The following LRP2 variants were observed in gnomAD, a reference collection of about 807,000 sequenced individuals.
LRP2 encodes LDL receptor related protein 2, also known as low-density lipoprotein receptor-related protein 2.
Under a neutral mutation model 531.0 loss-of-function variants are expected in LRP2, and 172 were observed. The observed-to-expected ratio is 0.32, with a 90% CI of 0.29 to 0.37. LRP2 has a LOEUF of 0.37. Ranked by LOEUF, LRP2 falls within the 10% of genes least tolerant of loss-of-function variation. The pLI, the probability that LRP2 is intolerant of heterozygous loss-of-function variation, is 1.00. For synonymous variants in LRP2, 1,992 were observed against 2,027.6 expected, an observed-to-expected ratio of 0.98 and a Z score of 0.47; for missense variants, 5,167 against 5,868.3, an observed-to-expected ratio of 0.88 and a Z score of 3.90.
At chr2:169,136,312 C>T (rs559451673) in intron 76 of LRP2, among the ~76,000 whole-genome samples, 37 of 151,818 alleles carry the variant, frequency 2.4e-4, no homozygotes, top group Non-Finnish European at 3.7e-4. Flanking sequence ...TCCATGCCAC[C>T]CCCCCAAAAA....
intron 34 of LRP2, among the ~76,000 whole-genome samples, chr2:169,216,963 T>C (rs1688820386): frequency 6.6e-6 from 1 of 152,126 alleles, no homozygotes; most frequent in Admixed American, 6.6e-5. Context: ...AAATAATGAG[T>C]AACACTTTTC....
At chr2:169,316,775 G>A (rs550662427) in intron 3 of LRP2, among the ~76,000 whole-genome samples, 4 of 152,208 alleles carry the variant, frequency 2.6e-5, no homozygotes, top group African/African-American at 9.6e-5. Context: ...TGTCCAGAAT[G>A]AGAAAAGCTG....
intron 9 of LRP2, among the ~76,000 whole-genome samples, chr2:169,286,292 C>G (rs184274474): frequency 3.3e-5 from 5 of 152,296 alleles, no homozygotes; most frequent in Non-Finnish European, 7.4e-5. Flanking sequence ...AGATTATCTC[C>G]AAATGAGGTT....
intron 1 of LRP2, among the ~76,000 whole-genome samples, chr2:169,326,452 G>A (rs1012708657): frequency 1.1e-4 from 16 of 151,516 alleles, no homozygotes; most frequent in Non-Finnish European, 2.1e-4. Flanking sequence ...TCCTAACCGC[G>A]AGTGATCCGC....
chr2:169,243,403 C>T lies in LRP2; in HGVS notation c.3550G>A (p.Val1184Ile), dbSNP rs1689885035. ...ATAAAAAAGAAGGCAATGCACTTAC[C>T]ACAACCAACCTCATCAGATCCATCA... is the stretch of plus-strand genomic sequence containing the variant. ...CVDGSDEVGC[V>I]LNCTASQFKC... Residue 1184 changes from valine (V) to isoleucine (I), a missense_variant and splice_region_variant, in exon 23 of 79, where the codon GTA (valine) becomes ATA (isoleucine). By Grantham distance (29) the Val-to-Ile change is conservative (BLOSUM62 3). This residue lies in a region of LRP2 where 2,811 missense variants were observed against 3,058.0 expected (regional missense o/e 0.92). Transcript: ENST00000649046. 6.2e-7 allele frequency: 1 copy of T among 1,613,892 alleles called. No individual in the cohort carries two copies. Among genetic ancestry groups the T allele is most frequent in the South Asian group, 1.1e-5 (1 of 91,062 alleles).
intron 31 of LRP2, among the ~76,000 whole-genome samples, chr2:169,231,406 T>C (rs1689398394): frequency 6.6e-6 from 1 of 151,706 alleles, no homozygotes; most frequent in Admixed American, 6.6e-5. Context: ...ACTTCTTAGG[T>C]GAAGAATTTG....
intron 8 of LRP2, among the ~76,000 whole-genome samples, chr2:169,290,197 C>T (rs1207460395): frequency 1.4e-5 from 2 of 146,540 alleles, no homozygotes; most frequent in African/African-American, 2.5e-5. Context: ...TCGAACAACA[C>T]TGTGCATGGC....
rs200203499 is a variant in LRP2, at chr2:169,174,112, G to C, written c.10821C>G (p.Ile3607Met). Reference protein sequence around the residue: ...NEWQCANKRCIPESWQCDTFN... With the variant: ...NEWQCANKRCMPESWQCDTFN... ...ATGTGTCACACTGCCAGGATTCTGG[G>C]ATGCAACGTTTGTTGGCGCACTGCC... Residue 3607 changes from isoleucine to methionine, a missense_variant, in exon 56 of 79, where the codon ATC becomes ATG. Physicochemically the swap from Ile to Met is conservative, Grantham distance 10. Coordinates refer to ENST00000649046, the MANE Select transcript of LRP2 (RefSeq NM_004525.3). The C allele has an allele frequency of 3.7e-6, 6 of 1,614,210 alleles. No individual in the cohort carries two copies. The highest frequency in any genetic ancestry group is 5.1e-6 in the Non-Finnish European group (6 of 1,180,038).
At chr2:169,138,914 C>T (rs1415047437) in intron 74 of LRP2, among the ~76,000 whole-genome samples, 3 of 152,162 alleles carry the variant, frequency 2.0e-5, no homozygotes, top group Non-Finnish European at 2.9e-5. Context: ...ATTCCTGAAC[C>T]ATGAGATCTA....
chr2:169,233,707 A>C, intron 29 of LRP2, 119 bp from the exon 30 acceptor site: 1 of 924,032 alleles, frequency 1.1e-6, no homozygotes, highest in Non-Finnish European at 1.7e-6. Context: ...ATTTAATAAA[A>C]ACACAAGGAA....
chr2:169,150,805 T>C, intron 68 of LRP2, 93 bp downstream of exon 68: 1 of 1,534,944 alleles, frequency 6.5e-7, no homozygotes, highest in South Asian at 1.1e-5. Flanking sequence ...ACAATTTCAG[T>C]TAAACTAGGA....
intron 9 of LRP2, among the ~76,000 whole-genome samples, chr2:169,284,113 T>C (rs1180351092): frequency 6.6e-6 from 1 of 152,098 alleles, no homozygotes; most frequent in African/African-American, 2.4e-5. Flanking sequence ...TCTAGAATTC[T>C]CCAGATTTCT....
At chr2:169,312,376 G>A (rs541900040) in intron 3 of LRP2, among the ~76,000 whole-genome samples, 59 of 152,262 alleles carry the variant, frequency 3.9e-4, no homozygotes, top group Middle Eastern at 3.4e-3. Flanking sequence ...CTTCCTTCAG[G>A]ATTTCTTGTA....
chr2:169,201,676 C>T lies in LRP2; in HGVS notation c.8404G>A (p.Gly2802Ser). The T allele has an allele frequency of 1.9e-6, 3 of 1,614,110 alleles. No individual in the cohort carries two copies. The highest frequency in any genetic ancestry group is 2.5e-6 in the Non-Finnish European group (3 of 1,179,976). Residue 2802 changes from glycine to serine, a missense_variant, in exon 44 of 79, where the codon GGT becomes AGT. By Grantham distance (56) the Gly-to-Ser change is moderately conservative. Around this residue, in one of 6 missense-constraint regions of LRP2, gnomAD observed 1,129 missense variants for 1,362.7 expected, o/e 0.83. Coordinates refer to ENST00000649046, the MANE Select transcript of LRP2 (RefSeq NM_004525.3). Reference sequence around the variant, plus strand: ...TTATTATCATGGCAGTTGTCTACACCATTGCAGATAAACTCACGAGGTATG... The same window carrying T: ...TTATTATCATGGCAGTTGTCTACACTATTGCAGATAAACTCACGAGGTATG... ...RCIPREFICN[G>S]VDNCHDNNTS...
chr2:169,166,169 C>A, intron 61 of LRP2, 115 bp from the exon 62 acceptor site: 1 of 1,044,190 alleles, frequency 9.6e-7, no homozygotes, highest in South Asian at 1.3e-5. Flanking sequence ...CTCATTTACT[C>A]ATTTGATTAA....
At chr2:169,263,171 G>A (rs1325326811) in intron 16 of LRP2, among the ~76,000 whole-genome samples, 2 of 152,104 alleles carry the variant, frequency 1.3e-5, no homozygotes, top group African/African-American at 4.8e-5. Flanking sequence ...TTACCATTCA[G>A]GACATAGGCA....
At chr2:169,279,987 C>A (rs1424550472) in intron 11 of LRP2, among the ~76,000 whole-genome samples, 2 of 152,166 alleles carry the variant, frequency 1.3e-5, no homozygotes, top group Non-Finnish European at 2.9e-5. Context: ...AGGTAAAAAT[C>A]TGATTTTTAT....
At position 169,176,425 on chromosome 2, in the gene LRP2, G is replaced by T. The variant is rs113268518; in HGVS notation, c.10557C>A (p.Cys3519Ter). ...GAGAGCCTTACTTTTCATTGTTAGC[G>T]CACAGGAACTGGGTGCTGGAGCACA... ...MPMCSSTQFL[C>*]ANNEKCIPIW... The change falls in exon 54 of 79, where the codon TGC becomes TGA. Residue 3519 changes from cysteine to a stop codon, truncating the protein, a stop_gained. Transcript: ENST00000649046. LOFTEE classifies it high-confidence loss of function. The T allele has an allele frequency of 6.2e-7, 1 of 1,614,160 alleles. No individual in the cohort carries two copies.
intron 14 of LRP2, among the ~76,000 whole-genome samples, chr2:169,273,514 A>G (rs1323763831): frequency 6.6e-6 from 1 of 152,176 alleles, no homozygotes; most frequent in Non-Finnish European, 1.5e-5. Context: ...CCAATTTTAC[A>G]GAGGAGAAAC....
Sources: allele counts gnomAD v4.1 joint callset (sites outside exome capture counted in the v4.1 genomes callset), GRCh38; gene constraint gnomAD v4.1.1; regional missense constraint gnomAD v4.1.1; transcripts MANE v1.5; gene names NCBI Gene and HGNC (gene_info 2026-07-23, HGNC 2026-07-21).